POU6F2: variants seen among roughly 807,000 people sequenced by gnomAD.
POU6F2 encodes the protein POU domain, class 6, transcription factor 2.
POU6F2 carries 31 observed loss-of-function variants against 71.3 expected under a neutral mutation model. The observed-to-expected ratio is 0.43, with a 90% CI of 0.33 to 0.59. The LOEUF (loss-of-function observed/expected upper bound fraction) is 0.59, where lower values mean the gene tolerates loss of function less well. POU6F2 is among the 20% of genes least tolerant of loss of function. POU6F2 has a pLI of 0.04. For synonymous variants in POU6F2, 347 were observed against 355.7 expected (o/e 0.98, Z 0.27); for missense variants, 783 against 856.8 (o/e 0.91, Z 1.07).
At chr7:39,173,412 A>T (rs1562733472) in intron 2 of POU6F2, among the ~76,000 whole-genome samples, 1 of 152,216 alleles carries the variant, frequency 6.6e-6, no homozygotes, top group Non-Finnish European at 1.5e-5. Flanking sequence ...AGGAATAGTC[A>T]TAGTAACTAT....
At chr7:39,210,033 G>GT in intron 4 of POU6F2, among the ~76,000 whole-genome samples, 1 of 152,282 alleles carries the variant, frequency 6.6e-6, no homozygotes, top group Non-Finnish European at 1.5e-5. Context: ...GGAGAAGGCT[G>GT]TTTCCTTTCC....
chr7:39,214,203 T>C (rs543803597), intron 4 of POU6F2, among the ~76,000 whole-genome samples: 5 of 152,322 alleles, frequency 3.3e-5, no homozygotes, highest in African/African-American at 1.2e-4. Context: ...AAATCAGCCT[T>C]GATGTGAGGG....
rs1050422722 is a variant in POU6F2 at position 39,410,872 on chromosome 7, G to A, written c.1113+4132G>A. On this transcript the variant is annotated intron_variant, in intron 6 of 9. Transcript: ENST00000518318. ...GTACAAGCAAAAAGAAAGAGTTCTG[G>A]AGCCAGACTGCCATCCACCAGCTGT... 4.6e-5 allele frequency among the ~76,000 whole-genome samples: 7 copies of A among 152,176 alleles called. No homozygotes were observed. The South Asian group carries it at 1.2e-3, about 27-fold the overall frequency.
chr7:39,451,507 T>A (rs1326916055), intron 7 of POU6F2, 26 bp from the exon 8 acceptor site: 11 of 1,585,580 alleles, frequency 6.9e-6, no homozygotes, highest in Non-Finnish European at 2.6e-6. Context: ...TTCATTTGTG[T>A]ATTTTTTTTA....
chr7:39,039,728 A>T (rs1310130487), intron 1 of POU6F2, among the ~76,000 whole-genome samples: 2 of 151,488 alleles, frequency 1.3e-5, no homozygotes, highest in Non-Finnish European at 2.9e-5. Flanking sequence ...TCTGGTCCTG[A>T]GATACTTCTG....
chr7:39,234,292 A>G (rs1056827418), intron 4 of POU6F2, among the ~76,000 whole-genome samples: 4 of 152,144 alleles, frequency 2.6e-5, no homozygotes, highest in Admixed American at 2.0e-4. Flanking sequence ...TGCTTTCAGT[A>G]CTGCCTGGTT....
chr7:39,353,031 T>G (rs1377266318), intron 5 of POU6F2, among the ~76,000 whole-genome samples: 1 of 152,222 alleles, frequency 6.6e-6, no homozygotes, highest in Non-Finnish European at 1.5e-5. Flanking sequence ...CTTGACAAAA[T>G]GGAAGAAATG....
At chr7:39,139,725 G>T (rs1792458051) in intron 2 of POU6F2, among the ~76,000 whole-genome samples, 1 of 152,118 alleles carries the variant, frequency 6.6e-6, no homozygotes. Context: ...GCAGATTTCT[G>T]GGTGGTTCCA....
intron 2 of POU6F2, among the ~76,000 whole-genome samples, chr7:39,186,866 A>G (rs913856457): frequency 7.2e-5 from 11 of 152,126 alleles, no homozygotes; most frequent in South Asian, 2.1e-4. Context: ...GGCATTGACA[A>G]TGCTTGAGGC....
At chr7:39,163,373 A>G (rs1440785739) in intron 2 of POU6F2, among the ~76,000 whole-genome samples, 1 of 152,228 alleles carries the variant, frequency 6.6e-6, no homozygotes, top group Admixed American at 6.5e-5. Flanking sequence ...GGAGTAACAC[A>G]GAGAACACGG....
chr7:39,179,655 G>T (rs1417478131), intron 2 of POU6F2, among the ~76,000 whole-genome samples: 3 of 152,238 alleles, frequency 2.0e-5, no homozygotes, highest in African/African-American at 7.2e-5. Flanking sequence ...AGGCTCTGCA[G>T]TTGCCGCCGG....
chr7:39,418,739 A>G (rs1231070260), intron 6 of POU6F2, among the ~76,000 whole-genome samples: 1 of 150,950 alleles, frequency 6.6e-6, no homozygotes, highest in Non-Finnish European at 1.5e-5. Context: ...TTCCAGAGCC[A>G]TACAGTAAAT....
chr7:39,209,280 G>C (rs886865309), intron 4 of POU6F2, among the ~76,000 whole-genome samples: 1 of 152,158 alleles, frequency 6.6e-6, no homozygotes, highest in Non-Finnish European at 1.5e-5. Flanking sequence ...GGAATCCCAA[G>C]CTTTGTAGCC....
chr7:39,442,094 A>G (rs1788420075), intron 7 of POU6F2, among the ~76,000 whole-genome samples: 1 of 152,158 alleles, frequency 6.6e-6, no homozygotes, highest in Non-Finnish European at 1.5e-5. Context: ...GCTCTCAGAG[A>G]CTATGCTTGG....
chr7:39,249,922 G>C (rs375781172), intron 4 of POU6F2, among the ~76,000 whole-genome samples: 1 of 152,146 alleles, frequency 6.6e-6, no homozygotes, highest in Non-Finnish European at 1.5e-5. Context: ...CTTTCACTTT[G>C]TAGACTCTCC....
intron 2 of POU6F2, among the ~76,000 whole-genome samples, chr7:39,142,669 A>G (rs1792528074): frequency 6.6e-6 from 1 of 152,182 alleles, no homozygotes; most frequent in African/African-American, 2.4e-5. Context: ...TTTCAGAAAT[A>G]CGTTGAGTCC....
At chr7:39,146,430 A>G (rs12701698) in intron 2 of POU6F2, among the ~76,000 whole-genome samples, 61,046 of 152,064 alleles carry the variant, frequency 0.4, 13,217 homozygotes, top group East Asian at 0.69. Context: ...ATCATGGGCC[A>G]TTGGAGGCAA....
chr7:39,445,030 C>T (rs1788490600), intron 7 of POU6F2, among the ~76,000 whole-genome samples: 1 of 152,156 alleles, frequency 6.6e-6, no homozygotes, highest in African/African-American at 2.4e-5. Flanking sequence ...TGAAGGCACT[C>T]AATTTTTCCT....
At chr7:39,133,833 A>G (rs1294693508) in intron 2 of POU6F2, among the ~76,000 whole-genome samples, 1 of 152,230 alleles carries the variant, frequency 6.6e-6, no homozygotes, top group Admixed American at 6.5e-5. Flanking sequence ...GGGCTGGAAC[A>G]TAGTAGAAAC....
Sources: allele counts gnomAD v4.1 joint callset (sites outside exome capture counted in the v4.1 genomes callset), GRCh38; gene constraint gnomAD v4.1.1; transcripts MANE v1.5; gene names NCBI Gene and HGNC (gene_info 2026-07-23, HGNC 2026-07-21).